The following DAAM1 variants were observed in gnomAD, a reference collection of about 807,000 sequenced individuals.
DAAM1 encodes the protein disheveled-associated activator of morphogenesis 1.
Under a neutral mutation model 130.0 loss-of-function variants are expected in DAAM1, and 52 were observed. The ratio of observed to expected loss-of-function variants is 0.40; its 90% CI spans 0.32 to 0.50. DAAM1 has a LOEUF of 0.50. DAAM1 is among the 20% of genes least tolerant of loss of function. DAAM1 has a pLI of 0.61. For missense variants in DAAM1, 1,134 were observed against 1,303.8 expected (o/e 0.87, Z 2.01); for synonymous variants, 452 against 444.5 (o/e 1.02, Z -0.21).
chr14:59,309,411 C>T (rs916249445), intron 3 of DAAM1, among the ~76,000 whole-genome samples: 10 of 152,184 alleles, frequency 6.6e-5, no homozygotes, highest in African/African-American at 1.4e-4. Context: ...TAATTTATAG[C>T]GGCAGCTTGA....
intron 1 of DAAM1, among the ~76,000 whole-genome samples, chr14:59,243,243 C>T (rs931250803): frequency 5.9e-5 from 9 of 152,132 alleles, no homozygotes; most frequent in Non-Finnish European, 1.2e-4. Flanking sequence ...ATCAGCCATT[C>T]CAGCTTTCTT....
At chr14:59,227,396 G>T (rs748150007) in intron 1 of DAAM1, among the ~76,000 whole-genome samples, 4 of 152,126 alleles carry the variant, frequency 2.6e-5, no homozygotes, top group Admixed American at 2.6e-4. Flanking sequence ...GTTATCTTAC[G>T]TAGTTTCACT....
chr14:59,308,709 T>A (rs1296899665), intron 3 of DAAM1, among the ~76,000 whole-genome samples: 1 of 152,302 alleles, frequency 6.6e-6, no homozygotes, highest in East Asian at 1.9e-4. Flanking sequence ...CATGCACATG[T>A]TTTATTAAAA....
intron 15 of DAAM1, among the ~76,000 whole-genome samples, chr14:59,333,794 C>G (rs1441435133): frequency 6.6e-5 from 10 of 152,228 alleles, no homozygotes; most frequent in Non-Finnish European, 1.5e-4. Context: ...CCTAAGTTTA[C>G]AAGACTCATA....
intron 2 of DAAM1, chr14:59,263,932 C>G: frequency 2.0e-6 from 1 of 489,440 alleles, no homozygotes; most frequent in Non-Finnish European, 3.7e-6. Flanking sequence ...TGTGGCAGTA[C>G]TGCATCTTAA....
At chr14:59,200,139 A>C (rs1285896544) in intron 1 of DAAM1, among the ~76,000 whole-genome samples, 1 of 152,160 alleles carries the variant, frequency 6.6e-6, no homozygotes, top group Non-Finnish European at 1.5e-5. Flanking sequence ...ACAGCCTGGG[A>C]GGCCAGCCAC....
chr14:59,332,886 G>A (rs1260917180), intron 15 of DAAM1, among the ~76,000 whole-genome samples: 1 of 152,014 alleles, frequency 6.6e-6, no homozygotes. Flanking sequence ...CCTCTTACGG[G>A]GCTTTCCTTG....
intron 1 of DAAM1, among the ~76,000 whole-genome samples, chr14:59,202,159 A>G (rs1888123538): frequency 6.6e-6 from 1 of 152,238 alleles, no homozygotes; most frequent in Non-Finnish European, 1.5e-5. Context: ...AAAATAATCT[A>G]GAAAGGATCT....
chr14:59,361,766 A>G (rs1235559353), intron 22 of DAAM1, among the ~76,000 whole-genome samples: 1 of 152,124 alleles, frequency 6.6e-6, no homozygotes, highest in Non-Finnish European at 1.5e-5. Context: ...TCTGTGCTCA[A>G]AGCAGCCATA....
chr14:59,236,265 G>GTTGTT (rs1375109944), intron 1 of DAAM1, among the ~76,000 whole-genome samples: 1 of 151,922 alleles, frequency 6.6e-6, no homozygotes, highest in African/African-American at 2.4e-5. Flanking sequence ...TCTAGTAGGT[G>GTTGTT]TTGTTTTGTT....
intron 1 of DAAM1, among the ~76,000 whole-genome samples, chr14:59,201,502 C>A (rs1365385000): frequency 6.6e-6 from 1 of 152,008 alleles, no homozygotes; most frequent in Admixed American, 6.6e-5. Flanking sequence ...GTAATCCCAG[C>A]TACTCGGGAG....
chr14:59,318,496 T>C (rs1884878222), intron 4 of DAAM1, among the ~76,000 whole-genome samples: 1 of 150,460 alleles, frequency 6.6e-6, no homozygotes, highest in African/African-American at 2.5e-5. Flanking sequence ...ACTAGATATT[T>C]GGCATAGTAA....
intron 2 of DAAM1, among the ~76,000 whole-genome samples, chr14:59,270,365 G>A (rs778510425): frequency 3.9e-5 from 6 of 152,204 alleles, no homozygotes; most frequent in Non-Finnish European, 4.4e-5. Flanking sequence ...CACGTGGCCA[G>A]AGAAGCAATG....
intron 2 of DAAM1, among the ~76,000 whole-genome samples, chr14:59,268,813 A>G (rs1882578606): frequency 1.3e-5 from 2 of 152,132 alleles, no homozygotes; most frequent in South Asian, 2.1e-4. Flanking sequence ...TCTCTGCCTC[A>G]GTCAAAATAA....
intron 1 of DAAM1, among the ~76,000 whole-genome samples, chr14:59,221,750 C>T (rs1053842772): frequency 6.6e-6 from 1 of 152,228 alleles, no homozygotes; most frequent in Non-Finnish European, 1.5e-5. Context: ...CCTGCTGACT[C>T]AGAGGCATGA....
At chr14:59,326,676 G>T in intron 11 of DAAM1, 28 bp downstream of exon 11, 1 of 1,604,248 alleles carries the variant, frequency 6.2e-7, no homozygotes, top group Non-Finnish European at 8.5e-7. Flanking sequence ...CTGCTGCTGT[G>T]AGATAATGGT....
chr14:59,248,428 T>C (rs1881492732), intron 1 of DAAM1, among the ~76,000 whole-genome samples: 1 of 152,222 alleles, frequency 6.6e-6, no homozygotes, highest in South Asian at 2.1e-4. Context: ...CTTTCTTTGC[T>C]TATTGTTTGT....
At chr14:59,268,076 A>ATT (rs889791329) in intron 2 of DAAM1, among the ~76,000 whole-genome samples, 1 of 149,650 alleles carries the variant, frequency 6.7e-6, no homozygotes, top group Non-Finnish European at 1.5e-5. Context: ...CTATTTTTGT[A>ATT]TTTTTTTTTA....
rs544317059 is a variant in DAAM1, at chr14:59,299,865, C to T, written c.273+8559C>T. 11 of 152,210 alleles carry T rather than the reference C, an allele frequency of 7.2e-5. No homozygotes were observed. In the South Asian group the frequency reaches 1.9e-3, roughly 26 times the overall value. 9.4% of individuals were successfully genotyped at this position (152,210 alleles called of 1,614,324 possible). A position where few individuals can be genotyped will look rare whatever the true frequency, so the allele number is the denominator to read the frequency against. On this transcript the variant is annotated intron_variant, in intron 3 of 24. Coordinates refer to ENST00000360909, the MANE Select transcript of DAAM1 (RefSeq NM_001270520.2). Reference sequence around the variant, plus strand: ...AGTCTCTGGTCCAGAGAAAGTCAGCCTGCACTGCACTTTTTTTCCTCTTAG... The same window carrying T: ...AGTCTCTGGTCCAGAGAAAGTCAGCTTGCACTGCACTTTTTTTCCTCTTAG...
Sources: allele counts gnomAD v4.1 joint callset (sites outside exome capture counted in the v4.1 genomes callset), GRCh38; gene constraint gnomAD v4.1.1; transcripts MANE v1.5; gene names NCBI Gene and HGNC (gene_info 2026-07-23, HGNC 2026-07-21).